FUNDC2: variants seen among roughly 807,000 people sequenced by gnomAD.
The protein encoded by FUNDC2 is FUN14 domain-containing protein 2.
A neutral mutation model predicts 15.6 loss-of-function variants in FUNDC2; 4 were observed. That is an observed-to-expected ratio of 0.26 (90% CI 0.13 to 0.59). The LOEUF (loss-of-function observed/expected upper bound fraction) is 0.59. Among genes scored for constraint, FUNDC2 ranks in the 20% least tolerant of loss-of-function variants. The pLI, the probability that FUNDC2 is intolerant of heterozygous loss-of-function variation, is 0.90. For missense variants in FUNDC2, 98 were observed against 149.7 expected, an observed-to-expected ratio of 0.65 and a Z score of 1.80; for synonymous variants, 44 against 56.9, an observed-to-expected ratio of 0.77 and a Z score of 1.02.
At chrX:155,054,528 A>G in intron 4 of FUNDC2, 67 bp from the exon 5 acceptor site, 2 of 1,203,353 alleles carry the variant, frequency 1.7e-6, no homozygotes, top group East Asian at 3.0e-5. Flanking sequence ...TAGGTATAAT[A>G]GAGATGATTC....
chrX:155,034,461 C>A (rs1422081238), intron 2 of FUNDC2, among the ~76,000 whole-genome samples: 1 of 111,905 alleles, frequency 8.9e-6, no homozygotes, highest in African/African-American at 3.2e-5. Flanking sequence ...CCATTTTTGG[C>A]TAATACTATG....
intron 3 of FUNDC2, chrX:155,050,843 C>G (rs1477809938): frequency 8.9e-6 from 1 of 111,846 alleles, no homozygotes; most frequent in East Asian, 2.8e-4. Flanking sequence ...ATACACATCA[C>G]AAGTATTTTC....
intron 3 of FUNDC2, chrX:155,049,598 C>T (rs781900174): frequency 1.3e-4 from 15 of 111,827 alleles, no homozygotes; most frequent in Admixed American, 1.9e-4. Context: ...ATCTTAGAAC[C>T]GGCTTATTTA....
At chrX:155,048,282 G>C (rs987275659) in intron 3 of FUNDC2, among the ~76,000 whole-genome samples, 1 of 111,836 alleles carries the variant, frequency 8.9e-6, no homozygotes, top group African/African-American at 3.3e-5. Context: ...CACCAGGGGA[G>C]TGAGAGCAGG....
Position 155,056,731 on chromosome X carries a change from CTAACCAA to C in FUNDC2, c.*2060_*2066del, listed in dbSNP as rs2073900374. The C allele has an allele frequency of 9.0e-6, 1 of 110,945 alleles. No individual in the cohort carries two copies. Among genetic ancestry groups the C allele is most frequent in the African/African-American group, 3.3e-5 (1 of 30,536 alleles). 9.1% of individuals were successfully genotyped at this position (110,945 alleles called of 1,213,427 possible). A position where few individuals can be genotyped will look rare whatever the true frequency, so the allele number is the denominator to read the frequency against. On this transcript the variant is annotated 3_prime_UTR_variant, in exon 5 of 5. Coordinates refer to ENST00000369498, the MANE Select transcript of FUNDC2 (RefSeq NM_023934.4). Reference sequence around the variant, plus strand: ...CAGCAATGGGATGGTAACAGCAAAGCTAACCAAAGTGCTCTGTGCCCCTTTGGGTTGC... The same window carrying C: ...CAGCAATGGGATGGTAACAGCAAAGCAGTGCTCTGTGCCCCTTTGGGTTGC...
chrX:155,027,096 G>A (rs1557288321), intron 1 of FUNDC2, 25 bp downstream of exon 1: 3 of 1,094,870 alleles, frequency 2.7e-6, no homozygotes, highest in Middle Eastern at 2.7e-4. Flanking sequence ...GCGCGCGGCC[G>A]GCGCCGCGGG....
In FUNDC2 at chrX:155,056,726, C is replaced by G. The variant is rs931879052; in HGVS notation, c.*2054C>G. ...ACCCACAGCAATGGGATGGTAACAG[C>G]AAAGCTAACCAAAGTGCTCTGTGCC... On this transcript the variant is annotated 3_prime_UTR_variant, in exon 5 of 5. Coordinates refer to ENST00000369498, the MANE Select transcript of FUNDC2 (RefSeq NM_023934.4). The G allele has an allele frequency of 1.8e-5, 2 of 110,828 alleles. No individual in the cohort carries two copies. Among genetic ancestry groups the G allele is most frequent in the African/African-American group, 6.6e-5 (2 of 30,486 alleles). The allele number at this position is 110,828 out of a possible 1,213,427, so 9.1% of individuals were successfully genotyped here. A position where few individuals can be genotyped will look rare whatever the true frequency, so the allele number is the denominator to read the frequency against.
At chrX:155,036,465 C>G (rs1306826968) in intron 2 of FUNDC2, among the ~76,000 whole-genome samples, 1 of 111,916 alleles carries the variant, frequency 8.9e-6, no homozygotes, top group Non-Finnish European at 1.9e-5. Context: ...TTTTCATTAT[C>G]TGAACTGTAC....
In FUNDC2 at chrX:155,033,439, C is replaced by T. The variant is rs782780466; in HGVS notation, c.170C>T (p.Ala57Val). ...FEGNFESLDL[A>V]EFAKKQPWWR... ...GGAAATTTTGAGTCACTGGACCTTG[C>T]GGAATTTGCTAAGAAGCAGCCATGG... The change falls in exon 2 of 5, where the codon GCG becomes GTG. Residue 57 changes from alanine (A) to valine (V), a missense_variant. By Grantham distance (64) the Ala-to-Val change is moderately conservative (BLOSUM62 0). Coordinates refer to ENST00000369498, the MANE Select transcript of FUNDC2 (RefSeq NM_023934.4). The T allele has an allele frequency of 1.2e-5, 14 of 1,208,263 alleles. No homozygotes were observed. The highest frequency in any genetic ancestry group is 3.5e-5 in the African/African-American group (2 of 57,311).
rs1226375804 is a variant in FUNDC2 at position 155,034,151 on chromosome X, C to T, written c.284+598C>T. 5.3e-5 allele frequency among the ~76,000 whole-genome samples: 6 copies of T among 112,374 alleles called. No individual in the cohort carries two copies. In the East Asian group the frequency reaches 1.7e-3, roughly 31 times the overall value. On this transcript the variant is annotated intron_variant, in intron 2 of 4. Coordinates refer to ENST00000369498, the MANE Select transcript of FUNDC2 (RefSeq NM_023934.4). ...TAACAACTGCTAAGGTTAAAAAAAA[C>T]GTGGCTAGCGCCCTAGAAACTCGAG...
chrX:155,059,751 C>T lies in FUNDC2; in HGVS notation c.*5079C>T, dbSNP rs182995502. 2.7e-5 allele frequency: 3 copies of T among 112,131 alleles called. No individual in the cohort carries two copies. Among genetic ancestry groups the T allele is most frequent in the East Asian group, 2.8e-4 (1 of 3,575 alleles). The allele number at this position is 112,131 out of a possible 1,213,427, so 9.2% of individuals were successfully genotyped here. A position where few individuals can be genotyped will look rare whatever the true frequency, so the allele number is the denominator to read the frequency against. On this transcript the variant is annotated 3_prime_UTR_variant, in exon 5 of 5. Transcript: ENST00000369498. ...GTATACTGATACAGTTTGGAGCCAC[C>T]GAATGTCATGTTGAACCGTATTCCC...
At chrX:155,041,481 T>A (rs1040444611) in intron 2 of FUNDC2, among the ~76,000 whole-genome samples, 1 of 111,264 alleles carries the variant, frequency 9.0e-6, no homozygotes, top group Non-Finnish European at 1.9e-5. Flanking sequence ...ATGATATCAT[T>A]TTCCCCTGCC....
At chrX:155,053,092 C>G (rs1391488844) in intron 4 of FUNDC2, among the ~76,000 whole-genome samples, 2 of 112,279 alleles carry the variant, frequency 1.8e-5, no homozygotes, top group Non-Finnish European at 3.8e-5. Context: ...TGGTCTCAAA[C>G]TTCTGGGCTC....
chrX:155,048,653 G>A (rs191958417), intron 3 of FUNDC2, among the ~76,000 whole-genome samples: 1 of 112,646 alleles, frequency 8.9e-6, no homozygotes, highest in Admixed American at 9.3e-5. Flanking sequence ...AAATCCTGTT[G>A]AAATTTTTAT....
chrX:155,048,903 T>C (rs1476792224), intron 3 of FUNDC2, among the ~76,000 whole-genome samples: 1 of 112,605 alleles, frequency 8.9e-6, no homozygotes, highest in Non-Finnish European at 1.9e-5. Context: ...CATGCTAGTG[T>C]GTTGAAATAC....
rs1316918837 is a variant in FUNDC2, at chrX:155,058,698, T to C, written c.*4026T>C. 9.0e-6 allele frequency: 1 copy of C among 110,937 alleles called. No homozygotes were observed. The highest frequency in any genetic ancestry group is 1.9e-5 in the Non-Finnish European group (1 of 53,002). The allele number at this position is 110,937 out of a possible 1,213,427, so 9.1% of individuals were successfully genotyped here. On this transcript the variant is annotated 3_prime_UTR_variant, in exon 5 of 5. Coordinates refer to ENST00000369498, the MANE Select transcript of FUNDC2 (RefSeq NM_023934.4). ...TGCCCAATTTTCTAAGAGGTCACAC[T>C]AACATCTGAGTAATTGGGCAGAAAA... is the stretch of plus-strand genomic sequence containing the variant.
In FUNDC2 at chrX:155,030,247, A is replaced by G. The variant is rs1446209393; in HGVS notation, c.134-3156A>G. On this transcript the variant is annotated intron_variant, in intron 1 of 4. Coordinates refer to ENST00000369498, the MANE Select transcript of FUNDC2 (RefSeq NM_023934.4). ...TTGCACTGGCTAGGAACTCCAGTAC[A>G]GTGCTGGGCGAGGTGGCTCACACTT... Among the ~76,000 whole-genome samples the G allele has an allele frequency of 2.8e-5, 3 of 108,211 alleles. No individual in the cohort carries two copies. In the East Asian group the frequency reaches 8.6e-4, roughly 31 times the overall value. 94.0% of individuals were successfully genotyped at this position (108,211 alleles called of 115,157 possible).
intron 1 of FUNDC2, among the ~76,000 whole-genome samples, chrX:155,027,646 AGCC>A (rs2124181388): frequency 8.9e-6 from 1 of 112,301 alleles, no homozygotes; most frequent in East Asian, 2.8e-4. Flanking sequence ...TGCTAAACAG[AGCC>A]ATCATTGAAA....
Position 155,053,754 on chromosome X carries a change from C to T in FUNDC2, c.493-841C>T, listed in dbSNP as rs369072772. The T allele has an allele frequency of 1.1e-4, 74 of 684,572 alleles. No homozygotes were observed. The South Asian group carries it at 1.1e-3, about 11-fold the overall frequency. 56.4% of individuals were successfully genotyped at this position (684,572 alleles called of 1,213,427 possible). On this transcript the variant is annotated intron_variant, in intron 4 of 4. Transcript: ENST00000369498. ...TAGGTGGTTTGGGGATGGAAGTCAC[C>T]GTACTTGAGTTCAAGAAATGATCAG...
Sources: gnomAD v4.1 joint callset for allele counts (sites outside exome capture counted in the v4.1 genomes callset) on GRCh38, gnomAD v4.1.1 for gene constraint, MANE v1.5 for transcripts, NCBI Gene and HGNC (gene_info 2026-07-23, HGNC 2026-07-21) for gene names.